TBC1D22A: variants seen among roughly 807,000 people sequenced by gnomAD.
TBC1D22A encodes the protein TBC1 domain family member 22A, also known as putative GTPase activator.
In TBC1D22A, 38 loss-of-function variants were observed where a neutral mutation model predicts 60.2. The ratio of observed to expected loss-of-function variants is 0.63; its 90% confidence interval spans 0.49 to 0.83. The LOEUF is 0.83. TBC1D22A is among the 40% of genes least tolerant of loss of function. The pLI is 0.00. For synonymous variants in TBC1D22A, 302 were observed against 281.7 expected (o/e 1.07, Z -0.72); for missense variants, 628 against 701.0 (o/e 0.90, Z 1.18).
chr22:47,000,770 T>C (rs1166713369), intron 10 of TBC1D22A, among the ~76,000 whole-genome samples: 4 of 151,736 alleles, frequency 2.6e-5, no homozygotes, highest in Admixed American at 6.6e-5. Context: ...GGCTAGATAA[T>C]TTCAACCACA....
At chr22:46,914,591 T>G (rs957023240) in intron 8 of TBC1D22A, 1 of 152,074 alleles carries the variant, frequency 6.6e-6, no homozygotes, top group African/African-American at 2.4e-5. Context: ...TTAACTTGCG[T>G]GGTGTGCTGT....
intron 10 of TBC1D22A, among the ~76,000 whole-genome samples, chr22:47,004,167 C>T (rs943977842): frequency 6.0e-5 from 9 of 150,676 alleles, no homozygotes; most frequent in African/African-American, 2.2e-4. Context: ...TATACACACA[C>T]CCCTGCACAC....
chr22:47,000,566 G>T (rs1042750581), intron 10 of TBC1D22A, among the ~76,000 whole-genome samples: 1 of 152,280 alleles, frequency 6.6e-6, no homozygotes, highest in Non-Finnish European at 1.5e-5. Context: ...GGCAGCCTTC[G>T]AGGGTGTGTG....
At chr22:47,086,909 TC>T (rs1191570316) in intron 11 of TBC1D22A, among the ~76,000 whole-genome samples, 3 of 152,232 alleles carry the variant, frequency 2.0e-5, no homozygotes, top group Non-Finnish European at 4.4e-5. Context: ...GGCCTGTTCA[TC>T]GTAGCACTGT....
At chr22:47,111,350 G>A (rs906610249) in intron 11 of TBC1D22A, among the ~76,000 whole-genome samples, 158 bp from the exon 12 acceptor site, 2 of 152,214 alleles carry the variant, frequency 1.3e-5, no homozygotes, top group Non-Finnish European at 1.5e-5. Flanking sequence ...ATGGAATGAG[G>A]ATTTTGAAAT....
intron 4 of TBC1D22A, among the ~76,000 whole-genome samples, chr22:46,866,249 C>T (rs1057051294): frequency 2.0e-5 from 3 of 152,158 alleles, no homozygotes; most frequent in Non-Finnish European, 2.9e-5. Flanking sequence ...GGACTACAGG[C>T]GTGTGCCACC....
intron 4 of TBC1D22A, among the ~76,000 whole-genome samples, chr22:46,810,474 A>G (rs1474134337): frequency 6.6e-6 from 1 of 152,140 alleles, no homozygotes; most frequent in East Asian, 1.9e-4. Context: ...TATGGAGAGC[A>G]TGAGAACAGG....
intron 4 of TBC1D22A, among the ~76,000 whole-genome samples, chr22:46,823,069 G>A (rs371996822): frequency 2.9e-4 from 44 of 152,258 alleles, no homozygotes; most frequent in Non-Finnish European, 4.1e-4. Flanking sequence ...ACAAGTATCC[G>A]GCTGCATCAG....
intron 6 of TBC1D22A, 24 bp from the exon 7 acceptor site, chr22:46,894,760 T>C (rs2068583850): frequency 6.2e-7 from 1 of 1,613,964 alleles, no homozygotes; most frequent in African/African-American, 1.3e-5. Flanking sequence ...GTAACATAAA[T>C]GTCCGTTTCT....
At chr22:47,031,574 C>T (rs773132048) in intron 10 of TBC1D22A, among the ~76,000 whole-genome samples, 2 of 152,180 alleles carry the variant, frequency 1.3e-5, no homozygotes, top group African/African-American at 2.4e-5. Flanking sequence ...CTGCCCAGGG[C>T]GCAGGTGCCC....
intron 5 of TBC1D22A, among the ~76,000 whole-genome samples, chr22:46,884,570 C>T (rs1366941479): frequency 6.6e-6 from 1 of 152,198 alleles, no homozygotes; most frequent in Non-Finnish European, 1.5e-5. Context: ...CGGCCAGCGG[C>T]TGTCCTCGAA....
chr22:46,841,047 G>GGAGTGTGT (rs1555909301), intron 4 of TBC1D22A, among the ~76,000 whole-genome samples: 41 of 147,540 alleles, frequency 2.8e-4, no homozygotes, highest in African/African-American at 1.0e-3. Context: ...AATGAAAATG[G>GGAGTGTGT]GTGTGTGTGT....
intron 11 of TBC1D22A, among the ~76,000 whole-genome samples, chr22:47,058,336 C>G (rs1443298175): frequency 6.6e-6 from 1 of 152,122 alleles, no homozygotes; most frequent in East Asian, 1.9e-4. Context: ...CTCTCCCTGC[C>G]CCCCAGCTTA....
At chr22:47,128,404 G>A (rs1601604566) in intron 12 of TBC1D22A, among the ~76,000 whole-genome samples, 1 of 129,036 alleles carries the variant, frequency 7.7e-6, no homozygotes, top group African/African-American at 3.0e-5. Flanking sequence ...GCTAGGGGAG[G>A]GAGGAGGAGC....
At chr22:46,999,503 A>C (rs1463457437) in intron 10 of TBC1D22A, among the ~76,000 whole-genome samples, 2 of 152,168 alleles carry the variant, frequency 1.3e-5, no homozygotes, top group Non-Finnish European at 2.9e-5. Flanking sequence ...TAAAGCAGTA[A>C]ATAGACAGAA....
intron 12 of TBC1D22A, among the ~76,000 whole-genome samples, chr22:47,157,927 A>C (rs935370116): frequency 6.6e-6 from 1 of 150,612 alleles, no homozygotes; most frequent in Non-Finnish European, 1.5e-5. Flanking sequence ...TAACTGGGGG[A>C]CTCCAGGCAG....
intron 4 of TBC1D22A, 37 bp from the exon 5 acceptor site, chr22:46,878,616 A>G: frequency 1.2e-6 from 2 of 1,607,860 alleles, no homozygotes; most frequent in Admixed American, 1.7e-5. Flanking sequence ...AACCTTTTGC[A>G]AATCTTGTTT....
chr22:47,100,967 G>A (rs2065392812), intron 11 of TBC1D22A, among the ~76,000 whole-genome samples: 1 of 152,142 alleles, frequency 6.6e-6, no homozygotes, highest in Non-Finnish European at 1.5e-5. Flanking sequence ...AGCTTGCCAG[G>A]ATCTGCTTAA....
At chr22:47,085,275 G>C (rs1201512124) in intron 11 of TBC1D22A, among the ~76,000 whole-genome samples, 1 of 152,166 alleles carries the variant, frequency 6.6e-6, no homozygotes, top group Non-Finnish European at 1.5e-5. Context: ...GCAAGACTCT[G>C]TCTTATAAAT....
Sources: allele counts gnomAD v4.1 joint callset (sites outside exome capture counted in the v4.1 genomes callset), GRCh38; gene constraint gnomAD v4.1.1; transcripts MANE v1.5; gene names NCBI Gene and HGNC (gene_info 2026-07-23, HGNC 2026-07-21).